The following CNBP variants were observed in gnomAD, a reference collection of about 807,000 sequenced individuals.
The protein encoded by CNBP is cellular nucleic acid-binding protein.
A neutral mutation model predicts 21.2 loss-of-function variants in CNBP; 6 were observed. The observed-to-expected ratio is 0.28, with a 90% CI of 0.16 to 0.56. CNBP has a LOEUF of 0.56. CNBP is among the 20% of genes least tolerant of loss of function. The pLI is 0.93. For synonymous variants in CNBP, 61 were observed against 74.9 expected (o/e 0.81, Z 0.96); for missense variants, 112 against 233.1 (o/e 0.48, Z 3.38).
At chr3:129,171,414 AG>A in intron 3 of CNBP, 31 bp downstream of exon 3, 1 of 1,602,656 alleles carries the variant, frequency 6.2e-7, no homozygotes, top group Non-Finnish European at 8.6e-7. Flanking sequence ...CAAGCTCTAG[AG>A]GGGTATGAAA....
At chr3:129,180,158 C>A (rs946680467) in intron 1 of CNBP, among the ~76,000 whole-genome samples, 4 of 151,328 alleles carry the variant, frequency 2.6e-5, no homozygotes, top group Non-Finnish European at 5.9e-5. Flanking sequence ...AAAGGTATTA[C>A]TACTATATAT....
In CNBP at chr3:129,182,597, T is replaced by A. The variant is rs187193810; in HGVS notation, c.-15+1179A>T. Among the ~76,000 whole-genome samples, 23 of 152,290 alleles carry A rather than the reference T, an allele frequency of 1.5e-4. No homozygotes were observed. The East Asian group carries it at 4.4e-3, about 29-fold the overall frequency. ...CTAGATGGAGGGGAGCTAGTTGAATTTCGTGTCTCGTTTGTAATTACATCT... is the reference window on the plus strand; with the variant it reads ...CTAGATGGAGGGGAGCTAGTTGAATATCGTGTCTCGTTTGTAATTACATCT... On this transcript the variant is annotated intron_variant, in intron 1 of 4. Coordinates refer to ENST00000422453, the MANE Select transcript of CNBP (RefSeq NM_003418.5).
intron 1 of CNBP, among the ~76,000 whole-genome samples, chr3:129,180,482 A>G (rs915100052): frequency 1.3e-5 from 2 of 152,240 alleles, no homozygotes; most frequent in Non-Finnish European, 2.9e-5. Flanking sequence ...CATATTCCTA[A>G]TTAACAAAAT....
In CNBP at chr3:129,167,870, A is replaced by T. The variant is rs1182706599; in HGVS notation, c.*2583T>A. Among the ~76,000 whole-genome samples, 2 of 152,234 alleles carry T rather than the reference A, an allele frequency of 1.3e-5. No individual in the cohort carries two copies. The highest frequency in any genetic ancestry group is 1.3e-4 in the Admixed American group (2 of 15,278). On this transcript the variant is annotated 3_prime_UTR_variant, in exon 5 of 5. Coordinates refer to ENST00000422453, the MANE Select transcript of CNBP (RefSeq NM_003418.5). The stretch of plus-strand genomic sequence containing the variant: ...TATTGTGTTAACATGTGAGACATAC[A>T]ATTTGCTCAGTAAAAATAGCACATG...
chr3:129,181,649 C>CAAAAAAAAAAAAAAAAAA (rs1367375702), intron 1 of CNBP, among the ~76,000 whole-genome samples: 2,611 of 72,122 alleles, frequency 0.036, 887 homozygotes, highest in African/African-American at 0.071. Context: ...GACTCCGTCT[C>CAAAAAAAAAAAAAAAAAA]AGAAAAAAAA....
Position 129,171,763 on chromosome 3 carries a change from C to A in CNBP, c.-6G>T. 6.2e-7 allele frequency: 1 copy of A among 1,610,766 alleles called. No homozygotes were observed. Among genetic ancestry groups the A allele is most frequent in the Non-Finnish European group, 8.5e-7 (1 of 1,178,828 alleles). ...AAGCACTCATTGCTGCTCATGGCTG[C>A]AGTCAGATCTTTGAAATATTAAAAG... is the stretch of plus-strand genomic sequence containing the variant. On this transcript the variant is annotated 5_prime_UTR_variant, in exon 2 of 5. Transcript: ENST00000422453.
intron 1 of CNBP, among the ~76,000 whole-genome samples, chr3:129,174,052 T>C (rs569023981): frequency 6.6e-6 from 1 of 152,298 alleles, no homozygotes; most frequent in South Asian, 2.1e-4. Context: ...AATACTCACT[T>C]ACCCCAACTC....
chr3:129,181,284 T>C (rs1462977978), intron 1 of CNBP, among the ~76,000 whole-genome samples: 1 of 140,254 alleles, frequency 7.1e-6, no homozygotes, highest in Non-Finnish European at 1.5e-5. Flanking sequence ...AGAATTGTCA[T>C]AAATCATGTA....
At chr3:129,170,957 T>C in intron 4 of CNBP, 122 bp downstream of exon 4, 2 of 890,620 alleles carry the variant, frequency 2.2e-6, no homozygotes, top group Non-Finnish European at 3.4e-6. Flanking sequence ...TGCTGAAAAT[T>C]GGTCTTATCT....
At chr3:129,178,965 C>T (rs1384016974) in intron 1 of CNBP, among the ~76,000 whole-genome samples, 1 of 151,932 alleles carries the variant, frequency 6.6e-6, no homozygotes, top group Non-Finnish European at 1.5e-5. Context: ...CCAGGATGGC[C>T]CAGATTCTTT....
At chr3:129,173,233 T>C (rs932171973) in intron 1 of CNBP, among the ~76,000 whole-genome samples, 3 of 152,200 alleles carry the variant, frequency 2.0e-5, no homozygotes, top group Admixed American at 6.5e-5. Flanking sequence ...TTAGGTATTA[T>C]AAGTAATCTA....
At chr3:129,180,942 G>A (rs1238699215) in intron 1 of CNBP, among the ~76,000 whole-genome samples, 1 of 151,894 alleles carries the variant, frequency 6.6e-6, no homozygotes, top group Non-Finnish European at 1.5e-5. Context: ...AACTTTAAAA[G>A]ACAAGTAGAA....
chr3:129,182,783 T>C (rs1435414839), intron 1 of CNBP, among the ~76,000 whole-genome samples: 1 of 152,122 alleles, frequency 6.6e-6, no homozygotes, highest in Non-Finnish European at 1.5e-5. Context: ...CCTTTTGGAA[T>C]GGTAATGTAA....
chr3:129,180,131 A>C (rs981865568), intron 1 of CNBP, among the ~76,000 whole-genome samples: 2 of 152,182 alleles, frequency 1.3e-5, no homozygotes, highest in Non-Finnish European at 2.9e-5. Flanking sequence ...TTCAATCTCT[A>C]CTTCAAAATA....
chr3:129,179,399 T>C (rs1339846069), intron 1 of CNBP, among the ~76,000 whole-genome samples: 1 of 152,240 alleles, frequency 6.6e-6, no homozygotes, highest in Non-Finnish European at 1.5e-5. Flanking sequence ...TGTATTTTTA[T>C]CCTGGTTCCT....
At chr3:129,172,454 C>A (rs564062174) in intron 1 of CNBP, among the ~76,000 whole-genome samples, 3 of 152,046 alleles carry the variant, frequency 2.0e-5, no homozygotes, top group Admixed American at 2.0e-4. Flanking sequence ...TGGCGGCATG[C>A]GCCTGTAATC....
At chr3:129,176,183 T>C (rs76563140) in intron 1 of CNBP, among the ~76,000 whole-genome samples, 1 of 152,198 alleles carries the variant, frequency 6.6e-6, no homozygotes, top group African/African-American at 2.4e-5. Context: ...CATGGCTCCA[T>C]GAGTCTGTCT....
chr3:129,175,317 C>A (rs1244415565), intron 1 of CNBP, among the ~76,000 whole-genome samples: 1 of 151,800 alleles, frequency 6.6e-6, no homozygotes, highest in Non-Finnish European at 1.5e-5. Flanking sequence ...GAGCAAGACT[C>A]CGTCTTCAAA....
intron 1 of CNBP, among the ~76,000 whole-genome samples, chr3:129,178,806 G>A (rs1001815621): frequency 5.3e-5 from 8 of 151,114 alleles, no homozygotes; most frequent in East Asian, 1.9e-4. Flanking sequence ...GCAGTGGCAC[G>A]ATCTCGGCTC....
Sources: allele counts gnomAD v4.1 joint callset (sites outside exome capture counted in the v4.1 genomes callset), GRCh38; gene constraint gnomAD v4.1.1; transcripts MANE v1.5; gene names NCBI Gene and HGNC (gene_info 2026-07-23, HGNC 2026-07-21).